COX7B2: variants seen among roughly 807,000 people sequenced by gnomAD.
COX7B2 encodes cytochrome c oxidase subunit 7B2, also known as cytochrome c oxidase subunit 7B2, mitochondrial.
For synonymous variants in COX7B2, 37 were observed against 32.1 expected (o/e 1.15, Z -0.51); for missense variants, 109 against 95.9 (o/e 1.14, Z -0.57).
intron 1 of COX7B2, among the ~76,000 whole-genome samples, chr4:46,904,363 A>T (rs2109903737): frequency 6.6e-6 from 1 of 152,300 alleles, no homozygotes; most frequent in East Asian, 1.9e-4. Flanking sequence ...AGATAACAGT[A>T]ATAAATTCCT....
chr4:46,854,188 G>A (rs557564241), intron 1 of COX7B2, among the ~76,000 whole-genome samples: 15 of 152,102 alleles, frequency 9.9e-5, no homozygotes, highest in African/African-American at 2.9e-4. Flanking sequence ...CAAGATATTA[G>A]GGTTCTCATA....
intron 1 of COX7B2, among the ~76,000 whole-genome samples, chr4:46,903,376 T>C (rs1187459991): frequency 6.6e-6 from 1 of 152,132 alleles, no homozygotes; most frequent in Non-Finnish European, 1.5e-5. Flanking sequence ...TGATGGACTG[T>C]CCTATAATAT....
At chr4:46,812,579 TG>T (rs1719340371) in intron 2 of COX7B2, among the ~76,000 whole-genome samples, 1 of 152,128 alleles carries the variant, frequency 6.6e-6, no homozygotes, top group Non-Finnish European at 1.5e-5. Context: ...TGTAAGTTCC[TG>T]ATATGATTTA....
chr4:46,765,314 C>T (rs931402382), intron 2 of COX7B2, among the ~76,000 whole-genome samples: 3 of 134,566 alleles, frequency 2.2e-5, no homozygotes, highest in African/African-American at 7.9e-5. Flanking sequence ...AGAGAGATAG[C>T]CATTGCAGGC....
intron 2 of COX7B2, among the ~76,000 whole-genome samples, chr4:46,745,348 C>T (rs925589383): frequency 2.0e-5 from 3 of 152,092 alleles, no homozygotes; most frequent in Non-Finnish European, 2.9e-5. Flanking sequence ...ATGGTGCATT[C>T]GCAGAGAAAT....
intron 2 of COX7B2, among the ~76,000 whole-genome samples, chr4:46,784,272 T>C (rs1448799339): frequency 6.6e-6 from 1 of 152,108 alleles, no homozygotes; most frequent in Admixed American, 6.5e-5. Context: ...AATATACAAA[T>C]TTAATAAAAA....
chr4:46,807,109 T>C (rs1020379894), intron 2 of COX7B2, among the ~76,000 whole-genome samples: 8 of 151,940 alleles, frequency 5.3e-5, no homozygotes, highest in African/African-American at 1.4e-4. Flanking sequence ...TTTTTTATAA[T>C]GGCCATACTA....
intron 2 of COX7B2, among the ~76,000 whole-genome samples, chr4:46,832,077 A>G (rs1715162028): frequency 1.3e-5 from 2 of 152,172 alleles, no homozygotes; most frequent in Admixed American, 6.5e-5. Context: ...CAGATAAGAG[A>G]ATAAAAGCAA....
At chr4:46,895,058 C>A (rs1719666643) in intron 1 of COX7B2, among the ~76,000 whole-genome samples, 1 of 152,080 alleles carries the variant, frequency 6.6e-6, no homozygotes. Flanking sequence ...ATTAGTTCAA[C>A]CATTGTGGAA....
intron 1 of COX7B2, among the ~76,000 whole-genome samples, chr4:46,891,708 C>A (rs1265940739): frequency 6.6e-6 from 1 of 152,178 alleles, no homozygotes; most frequent in African/African-American, 2.4e-5. Context: ...TCCACTCTAG[C>A]TTCTTGCCCT....
At chr4:46,865,990 G>C (rs1035857263) in intron 1 of COX7B2, among the ~76,000 whole-genome samples, 2 of 152,158 alleles carry the variant, frequency 1.3e-5, no homozygotes, top group African/African-American at 4.8e-5. Context: ...TTGGGTACTA[G>C]TACCTCCAGT....
At chr4:46,804,563 C>CAGAGTAGCT (rs199561340) in intron 2 of COX7B2, among the ~76,000 whole-genome samples, 3 of 152,146 alleles carry the variant, frequency 2.0e-5, no homozygotes, top group South Asian at 4.1e-4. Context: ...AACTCCCCAC[C>CAGAGTAGCT]AGAGTAGCTA....
chr4:46,790,939 G>A (rs1718006743), intron 2 of COX7B2, among the ~76,000 whole-genome samples: 1 of 152,212 alleles, frequency 6.6e-6, no homozygotes, highest in Admixed American at 6.6e-5. Flanking sequence ...CATGAGAGAA[G>A]TTTGTTTTAG....
At chr4:46,760,971 A>G (rs1716113314) in intron 2 of COX7B2, among the ~76,000 whole-genome samples, 1 of 152,188 alleles carries the variant, frequency 6.6e-6, no homozygotes, top group South Asian at 2.1e-4. Flanking sequence ...ATAGAAAACT[A>G]TGCCTTCCTA....
intron 2 of COX7B2, among the ~76,000 whole-genome samples, chr4:46,795,983 A>C (rs1718310343): frequency 1.3e-5 from 1 of 77,352 alleles, no homozygotes; most frequent in South Asian, 5.2e-4. Flanking sequence ...GAGTTCACCC[A>C]TGATTTGGCT....
chr4:46,758,657 A>C (rs1715946221), intron 2 of COX7B2, among the ~76,000 whole-genome samples: 1 of 152,182 alleles, frequency 6.6e-6, no homozygotes, highest in Admixed American at 6.6e-5. Context: ...TTCTATTTGC[A>C]ACAATGTGGC....
At chr4:46,812,149 C>T (rs911961915) in intron 2 of COX7B2, among the ~76,000 whole-genome samples, 4 of 152,070 alleles carry the variant, frequency 2.6e-5, no homozygotes, top group Non-Finnish European at 4.4e-5. Flanking sequence ...ATGCTTGGAA[C>T]AGCTGTGGAA....
chr4:46,784,606 C>G (rs1717655048), intron 2 of COX7B2, among the ~76,000 whole-genome samples: 1 of 152,108 alleles, frequency 6.6e-6, no homozygotes, highest in Non-Finnish European at 1.5e-5. Context: ...GTCTGGGCGA[C>G]AGGGCAAGAC....
At chr4:46,752,470 TGAGAGAG>T (rs1000160464) in intron 2 of COX7B2, among the ~76,000 whole-genome samples, 24 of 152,296 alleles carry the variant, frequency 1.6e-4, no homozygotes, top group African/African-American at 5.8e-4. Flanking sequence ...ATACGAGTGG[TGAGAGAG>T]GGCATCCCTG....
Sources: allele counts gnomAD v4.1 joint callset (sites outside exome capture counted in the v4.1 genomes callset), GRCh38; gene constraint gnomAD v4.1.1; transcripts MANE v1.5; gene names NCBI Gene and HGNC (gene_info 2026-07-23, HGNC 2026-07-21).